The following HESX1 variants were observed in gnomAD, a reference collection of about 807,000 sequenced individuals.
The protein encoded by HESX1 is homeobox expressed in ES cells 1.
In HESX1, 11 loss-of-function variants were observed where a neutral mutation model predicts 22.5. That is an observed-to-expected ratio of 0.49 (90% CI 0.31 to 0.81). HESX1 has a LOEUF of 0.81. HESX1 is among the 30% of genes least tolerant of loss of function. The pLI is 0.05. For missense variants in HESX1, 201 were observed against 212.6 expected (o/e 0.95, Z 0.34); for synonymous variants, 74 against 76.5 (o/e 0.97, Z 0.17).
At chr3:57,208,169 T>C (rs1246781463) in intron 1 of HESX1, among the ~76,000 whole-genome samples, 2 of 152,230 alleles carry the variant, frequency 1.3e-5, no homozygotes, top group East Asian at 3.8e-4. Context: ...GGGAATGTTC[T>C]ATATTTTGAT....
At chr3:57,227,178 CAT>C (rs772424843), upstream of HESX1, among the ~76,000 whole-genome samples, 228 of 152,288 alleles carry the variant, frequency 1.5e-3, 5 homozygotes, top group Middle Eastern at 0.01. Context: ...AACAAAATCA[CAT>C]GTTTTCAACT....
At chr3:57,211,217 C>CA (rs1331625270) in intron 1 of HESX1, among the ~76,000 whole-genome samples, 1,539 of 88,124 alleles carry the variant, frequency 0.017, 26 homozygotes, top group African/African-American at 0.05. Flanking sequence ...AACTCCATCT[C>CA]AAAAAAAAAA....
intron 1 of HESX1, among the ~76,000 whole-genome samples, chr3:57,213,730 TC>T (rs1374033115): frequency 6.6e-6 from 1 of 152,102 alleles, no homozygotes; most frequent in Admixed American, 6.5e-5. Context: ...TTCAAGACCA[TC>T]CTGGCCAACA....
intron 1 of HESX1, among the ~76,000 whole-genome samples, chr3:57,210,490 G>A (rs1039866191): frequency 6.6e-6 from 1 of 152,208 alleles, no homozygotes; most frequent in Admixed American, 6.6e-5. Context: ...CAAAGCTCCA[G>A]TGAACCTTGC....
chr3:57,222,701 A>G (rs554665253), intron 1 of HESX1, among the ~76,000 whole-genome samples: 9 of 152,302 alleles, frequency 5.9e-5, no homozygotes, highest in Non-Finnish European at 8.8e-5. Flanking sequence ...AAACAAAACA[A>G]AAACTCCTAA....
intron 1 of HESX1, 74 bp downstream of exon 1, chr3:57,199,685 TGTA>T: frequency 8.2e-7 from 1 of 1,218,042 alleles, no homozygotes; most frequent in Non-Finnish European, 1.2e-6. Flanking sequence ...TCTAGCTCTA[TGTA>T]GTATGAAATA....
intron 1 of HESX1, among the ~76,000 whole-genome samples, chr3:57,207,920 T>C (rs971391831): frequency 6.6e-6 from 1 of 152,240 alleles, no homozygotes; most frequent in African/African-American, 2.4e-5. Flanking sequence ...TTTTAAATTA[T>C]TGCCAATCTG....
At chr3:57,216,770 A>G (rs575438825) in intron 1 of HESX1, among the ~76,000 whole-genome samples, 1 of 152,282 alleles carries the variant, frequency 6.6e-6, no homozygotes, top group East Asian at 1.9e-4. Flanking sequence ...TTTAATTTTG[A>G]TTAAGATGGT....
chr3:57,212,956 G>A (rs1162628579), intron 1 of HESX1, among the ~76,000 whole-genome samples: 3 of 151,928 alleles, frequency 2.0e-5, no homozygotes, highest in South Asian at 2.1e-4. Context: ...CCTCACCTCC[G>A]ACAGGCCTCG....
At chr3:57,202,524 T>TG (rs2060496236), upstream of HESX1, among the ~76,000 whole-genome samples, 1 of 151,800 alleles carries the variant, frequency 6.6e-6, no homozygotes, top group African/African-American at 2.4e-5. Flanking sequence ...TTAGTAGAGA[T>TG]GGGGGTTTCA....
chr3:57,201,142 C>G (rs2060483192), upstream of HESX1, among the ~76,000 whole-genome samples: 2 of 152,298 alleles, frequency 1.3e-5, no homozygotes, highest in South Asian at 4.1e-4. Context: ...GAAATAGCCT[C>G]TATAGGATGG....
chr3:57,224,659 A>C (rs1559503317), intron 1 of HESX1, among the ~76,000 whole-genome samples: 1 of 152,222 alleles, frequency 6.6e-6, no homozygotes, highest in Non-Finnish European at 1.5e-5. Flanking sequence ...TTATGTGTGC[A>C]TTAAGTTTGG....
At chr3:57,224,197 T>C (rs1279823916) in intron 1 of HESX1, among the ~76,000 whole-genome samples, 1 of 152,176 alleles carries the variant, frequency 6.6e-6, no homozygotes, top group Non-Finnish European at 1.5e-5. Flanking sequence ...TTGCCCAGCC[T>C]GGTCTTGAAC....
At chr3:57,204,762 G>A (rs1171587674), upstream of HESX1, among the ~76,000 whole-genome samples, 2 of 149,662 alleles carry the variant, frequency 1.3e-5, no homozygotes, top group South Asian at 2.1e-4. Flanking sequence ...TCATGCCACT[G>A]CACTTCAGCC....
chr3:57,204,169 T>C, upstream of HESX1, among the ~76,000 whole-genome samples: 1 of 152,186 alleles, frequency 6.6e-6, no homozygotes, highest in East Asian at 1.9e-4. Flanking sequence ...CTGAAGTTTT[T>C]TCTTTTCTTT....
chr3:57,213,622 G>A (rs146824777), intron 1 of HESX1, among the ~76,000 whole-genome samples: 1 of 152,334 alleles, frequency 6.6e-6, no homozygotes, highest in East Asian at 1.9e-4. Context: ...AAATGTTATG[G>A]TTTTAAACAA....
intron 1 of HESX1, among the ~76,000 whole-genome samples, chr3:57,221,115 AC>A (rs1042694234): frequency 6.6e-6 from 1 of 150,424 alleles, no homozygotes; most frequent in Non-Finnish European, 1.5e-5. Flanking sequence ...ATTCTGAAGA[AC>A]CTGTTTAAAA....
At chr3:57,203,141 G>A (rs2060499789), upstream of HESX1, among the ~76,000 whole-genome samples, 1 of 152,182 alleles carries the variant, frequency 6.6e-6, no homozygotes, top group Non-Finnish European at 1.5e-5. Context: ...CCTTACTCTG[G>A]CTGCTCTGTG....
intron 1 of HESX1, among the ~76,000 whole-genome samples, chr3:57,220,078 C>G (rs751388864): frequency 6.6e-6 from 1 of 152,160 alleles, no homozygotes; most frequent in Admixed American, 6.5e-5. Context: ...TAGTCCAGCA[C>G]CATTTATTAA....
Sources: gnomAD v4.1 joint callset for allele counts (sites outside exome capture counted in the v4.1 genomes callset) on GRCh38, gnomAD v4.1.1 for gene constraint, MANE v1.5 for transcripts, NCBI Gene and HGNC (gene_info 2026-07-23, HGNC 2026-07-21) for gene names.